Variants in PABPC1 observed in about 807,000 individuals in gnomAD.
PABPC1 encodes the protein poly(A) binding protein cytoplasmic 1.
Under a neutral mutation model 74.0 loss-of-function variants are expected in PABPC1, and 4 were observed. The observed-to-expected ratio is 0.05, with a 90% CI of 0.03 to 0.12. PABPC1 has a LOEUF of 0.12. Among genes scored for constraint, PABPC1 ranks in the 10% least tolerant of loss-of-function variants. The probability of loss-of-function intolerance (pLI) is 1.00; values close to 1 mark genes in which losing one functional copy is unlikely to be tolerated. For synonymous variants in PABPC1, 227 were observed against 264.1 expected (o/e 0.86, Z 1.36); for missense variants, 271 against 821.1 (o/e 0.33, Z 8.19).
In PABPC1 at chr8:100,704,250, G is replaced by A. The variant is rs776704997; in HGVS notation, c.*1+47C>T. ...AATATGCTCAACAAACTTTATAAAA[G>A]ATGAAGAAAACAAGCTTAAAACAAC... On this transcript the variant is annotated intron_variant, in intron 14 of 14. Coordinates refer to ENST00000318607, the MANE Select transcript of PABPC1 (RefSeq NM_002568.4). 2.9e-6 allele frequency: 4 copies of A among 1,386,154 alleles called. No homozygotes were observed. The African/African-American group carries it at 5.7e-5, about 20-fold the overall frequency. The allele number at this position is 1,386,154 out of a possible 1,614,324, so 85.9% of individuals were successfully genotyped here. A position where few individuals can be genotyped will look rare whatever the true frequency, so the allele number is the denominator to read the frequency against.
intron 1 of PABPC1, among the ~76,000 whole-genome samples, chr8:100,719,205 C>T (rs1335704598): frequency 6.6e-6 from 1 of 152,138 alleles, no homozygotes; most frequent in Non-Finnish European, 1.5e-5. Flanking sequence ...AGAGGGAAAA[C>T]GGTCCCTTTT....
At chr8:100,711,259 G>A (rs1239200989) in intron 7 of PABPC1, among the ~76,000 whole-genome samples, 2 of 151,858 alleles carry the variant, frequency 1.3e-5, no homozygotes, top group Non-Finnish European at 2.9e-5. Flanking sequence ...CAGCCCAGGC[G>A]AGAGTGAGAC....
intron 11 of PABPC1, among the ~76,000 whole-genome samples, chr8:100,706,183 G>A (rs1005712554): frequency 2.0e-5 from 3 of 152,188 alleles, no homozygotes; most frequent in African/African-American, 4.8e-5. Flanking sequence ...CAGACCAGGC[G>A]TGGTGATTTA....
rs1013721335 is a variant in PABPC1, at chr8:100,703,375, A to G, written c.*2-16T>C. The G allele has an allele frequency of 7.3e-6, 1 of 136,400 alleles. No individual in the cohort carries two copies. Among genetic ancestry groups the G allele is most frequent in the Non-Finnish European group, 1.6e-5 (1 of 61,398 alleles). The allele number at this position is 136,400 out of a possible 1,614,324, so 8.4% of individuals were successfully genotyped here. A position where few individuals can be genotyped will look rare whatever the true frequency, so the allele number is the denominator to read the frequency against. The stretch of plus-strand genomic sequence containing the variant: ...CCTGATCAATCTGTAAATGTTAAAA[A>G]AACAAATTAAGACCAGGACTATCAC... On this transcript the variant is annotated splice_polypyrimidine_tract_variant and intron_variant, in intron 14 of 14. Transcript: ENST00000318607.
rs34116624 is a variant in PABPC1 at position 100,704,054 on chromosome 8, C to CAAAA, written c.*1+239_*1+242dup. 2.5e-3 allele frequency: 438 copies of CAAAA among 177,718 alleles called. 2 individuals are homozygous for CAAAA. Among genetic ancestry groups the CAAAA allele is most frequent in the African/African-American group, 0.012 (352 of 28,346 alleles). The allele number at this position is 177,718 out of a possible 1,614,324, so 11.0% of individuals were successfully genotyped here. A position where few individuals can be genotyped will look rare whatever the true frequency, so the allele number is the denominator to read the frequency against. Reference sequence around the variant, plus strand: ...TGGGCGACAGAACGAAACTCCATCTCAAAAAAAAAAAAAAAAAAAAACACC... The same window carrying CAAAA: ...TGGGCGACAGAACGAAACTCCATCTCAAAAAAAAAAAAAAAAAAAAAAAAACACC... On this transcript the variant is annotated intron_variant, in intron 14 of 14. Transcript: ENST00000318607.
intron 12 of PABPC1, 35 bp from the exon 13 acceptor site, chr8:100,705,091 A>G (rs1369606988): frequency 6.3e-7 from 1 of 1,579,140 alleles, no homozygotes; most frequent in Admixed American, 1.9e-5. Flanking sequence ...TCCCTTCAAT[A>G]AAAAAAAGTT....
At chr8:100,717,680 C>T in intron 3 of PABPC1, 93 bp downstream of exon 3, 2 of 766,786 alleles carry the variant, frequency 2.6e-6, no homozygotes, top group Non-Finnish European at 4.3e-6. Context: ...GTGCATCTAA[C>T]TTCTCCCTGA....
In PABPC1 at chr8:100,706,760, G is replaced by T. The variant is rs755907003; in HGVS notation, c.1493C>A (p.Ala498Asp). 111 of 1,613,712 alleles carry T rather than the reference G, an allele frequency of 6.9e-5. No homozygotes were observed. The highest frequency in any genetic ancestry group is 9.1e-5 in the Non-Finnish European group (107 of 1,179,670). ...QTMGPRPAAA[A>D]AAATPAVRTV... ...GCGGACAGCAGGAGTAGCTGCAGCG[G>T]CTGCAGCTGCAGGACGTGGACCCAT... Residue 498 changes from alanine (A) to aspartate (D), a missense_variant, in exon 11 of 15, where the codon GCC becomes GAC. Physicochemically the swap from Ala to Asp is moderately radical, Grantham distance 126. This residue lies in a region of PABPC1 where 103 missense variants were observed against 245.3 expected (regional missense o/e 0.42). Coordinates refer to ENST00000318607, the MANE Select transcript of PABPC1 (RefSeq NM_002568.4).
In PABPC1 at chr8:100,722,058, A is replaced by C. The variant is rs998525882; in HGVS notation, c.-475T>G. 1.3e-5 allele frequency: 2 copies of C among 152,280 alleles called. No individual in the cohort carries two copies. The highest frequency in any genetic ancestry group is 2.9e-5 in the Non-Finnish European group (2 of 68,110). 9.4% of individuals were successfully genotyped at this position (152,280 alleles called of 1,614,324 possible). On this transcript the variant is annotated 5_prime_UTR_variant, in exon 1 of 15. Transcript: ENST00000318607. The stretch of plus-strand genomic sequence containing the variant: ...TCCGAGCCCGGAGCACACACTCCGC[A>C]CTCTCAGCACTAACCGCCGGGGAGA...
chr8:100,709,857 T>C, intron 7 of PABPC1, 126 bp from the exon 8 acceptor site: 1 of 1,111,036 alleles, frequency 9.0e-7, no homozygotes. Context: ...CTTAATCATC[T>C]TGTATTTACC....
At chr8:100,709,275 A>C in intron 8 of PABPC1, 52 bp from the exon 9 acceptor site, 4 of 1,521,030 alleles carry the variant, frequency 2.6e-6, no homozygotes, top group Non-Finnish European at 3.6e-6. Context: ...AAAGCAAATA[A>C]TGCAATAAAT....
Position 100,715,583 on chromosome 8 carries a change from C to T in PABPC1, c.522G>A (p.Lys174=). 6.2e-7 allele frequency: 1 copy of T among 1,609,356 alleles called. No individual in the cohort carries two copies. Among genetic ancestry groups the T allele is most frequent in the Non-Finnish European group, 8.5e-7 (1 of 1,176,798 alleles). ...GTTCAGCTTCTCGTTCTTTACGAGA[C>T]TTAAATCGTCCAACAAATCTAATAA... ...NDRKVFVGRF[K]SRKEREAELG... is the part of the protein sequence containing the mutation. Residue 174 remains lysine (K), a synonymous_variant, in exon 4 of 15, where the codon AAG becomes AAA. Coordinates refer to ENST00000318607, the MANE Select transcript of PABPC1 (RefSeq NM_002568.4).
At chr8:100,712,234 A>AT (rs1810546890) in intron 7 of PABPC1, 128 bp downstream of exon 7, 1 of 590,282 alleles carries the variant, frequency 1.7e-6, no homozygotes, top group South Asian at 2.7e-5. Flanking sequence ...TCAAATGTGA[A>AT]TTTAAGTTTT....
At chr8:100,706,502 G>A in intron 11 of PABPC1, 149 bp downstream of exon 11, 1 of 580,488 alleles carries the variant, frequency 1.7e-6, no homozygotes. Flanking sequence ...GCCCAGGCTG[G>A]TCCCAAACTC....
intron 9 of PABPC1, among the ~76,000 whole-genome samples, chr8:100,708,524 G>A (rs942772669): frequency 6.6e-6 from 1 of 152,150 alleles, no homozygotes; most frequent in African/African-American, 2.4e-5. Context: ...AAAATACCAC[G>A]ACTCTGATTC....
chr8:100,713,361 G>C (rs540707938), intron 4 of PABPC1, among the ~76,000 whole-genome samples, 180 bp from the exon 5 acceptor site: 23 of 152,228 alleles, frequency 1.5e-4, no homozygotes, highest in African/African-American at 5.5e-4. Context: ...TTATTATTAA[G>C]AAGGTAAACA....
intron 9 of PABPC1, among the ~76,000 whole-genome samples, chr8:100,708,198 T>C (rs1810432242): frequency 6.6e-6 from 1 of 152,226 alleles, no homozygotes; most frequent in Non-Finnish European, 1.5e-5. Context: ...CCTGGGTGGT[T>C]TGCCGCCCAC....
intron 7 of PABPC1, among the ~76,000 whole-genome samples, chr8:100,711,407 G>A (rs1163915332): frequency 6.6e-6 from 1 of 152,254 alleles, no homozygotes; most frequent in East Asian, 1.9e-4. Flanking sequence ...AGGAAAGGCT[G>A]AGGCTGCAGT....
chr8:100,706,619 T>C (rs746941975), intron 11 of PABPC1, 32 bp downstream of exon 11: 4 of 1,594,852 alleles, frequency 2.5e-6, no homozygotes, highest in Non-Finnish European at 3.4e-6. Flanking sequence ...CCAAGAAATG[T>C]GATTTTTATT....
Sources: allele counts gnomAD v4.1 joint callset (sites outside exome capture counted in the v4.1 genomes callset), GRCh38; gene constraint gnomAD v4.1.1; regional missense constraint gnomAD v4.1.1; transcripts MANE v1.5; gene names NCBI Gene and HGNC (gene_info 2026-07-23, HGNC 2026-07-21).